Variants in SEMA3A observed in about 807,000 individuals in gnomAD.
SEMA3A encodes the protein semaphorin 3A.
In SEMA3A, 29 loss-of-function variants were observed where a neutral mutation model predicts 97.9. That is an observed-to-expected ratio of 0.30 (90% CI 0.22 to 0.40). SEMA3A has a LOEUF of 0.40. Among genes scored for constraint, SEMA3A ranks in the 10% least tolerant of loss-of-function variants. The probability of loss-of-function intolerance (pLI) is 1.00; values close to 1 mark genes in which losing one functional copy is unlikely to be tolerated. For missense variants in SEMA3A, 763 were observed against 951.3 expected (o/e 0.80, Z 2.60); for synonymous variants, 321 against 323.7 (o/e 0.99, Z 0.09).
At chr7:84,225,895 T>C (rs1027262610) in intron 3 of SEMA3A, among the ~76,000 whole-genome samples, 1 of 152,136 alleles carries the variant, frequency 6.6e-6, no homozygotes, top group African/African-American at 2.4e-5. Context: ...AATGGGCTAA[T>C]TTCAGAGAAG....
intron 1 of SEMA3A, among the ~76,000 whole-genome samples, chr7:84,423,777 A>G (rs1804666726): frequency 6.6e-6 from 1 of 152,044 alleles, no homozygotes; most frequent in Non-Finnish European, 1.5e-5. Flanking sequence ...TAACATCCAG[A>G]ATCTACAAGA....
chr7:84,254,911 C>T (rs1298374529), intron 3 of SEMA3A, among the ~76,000 whole-genome samples: 4 of 152,068 alleles, frequency 2.6e-5, no homozygotes, highest in Non-Finnish European at 5.9e-5. Context: ...GTATTATTTG[C>T]AATTGACTTC....
At chr7:84,381,284 G>C (rs1040640812) in intron 1 of SEMA3A, among the ~76,000 whole-genome samples, 1 of 152,102 alleles carries the variant, frequency 6.6e-6, no homozygotes, top group African/African-American at 2.4e-5. Context: ...ATTTGTAGCA[G>C]GTCAGTCATG....
upstream of SEMA3A, among the ~76,000 whole-genome samples, chr7:84,198,976 C>T (rs777640895): frequency 6.6e-6 from 1 of 152,132 alleles, no homozygotes; most frequent in Non-Finnish European, 1.5e-5. Context: ...TATTTTTTAT[C>T]TTTTCAGGTA....
chr7:84,359,922 G>A (rs1490369404), intron 2 of SEMA3A, among the ~76,000 whole-genome samples: 4 of 151,182 alleles, frequency 2.6e-5, no homozygotes. Context: ...TAGTTTATTT[G>A]CGTAGAGGTG....
intron 4 of SEMA3A, among the ~76,000 whole-genome samples, chr7:84,107,165 C>T (rs1795134522): frequency 6.6e-6 from 1 of 152,162 alleles, no homozygotes; most frequent in South Asian, 2.1e-4. Context: ...TTCTCACTCT[C>T]CCGATCTATT....
intron 3 of SEMA3A, among the ~76,000 whole-genome samples, chr7:84,230,498 T>C (rs1004607924): frequency 5.9e-5 from 9 of 151,988 alleles, no homozygotes; most frequent in African/African-American, 1.9e-4. Flanking sequence ...AGCACTCCTC[T>C]TTTATTGGTA....
intron 3 of SEMA3A, among the ~76,000 whole-genome samples, chr7:84,256,334 A>G (rs1232257942): frequency 3.9e-5 from 6 of 152,090 alleles, no homozygotes; most frequent in Non-Finnish European, 8.8e-5. Flanking sequence ...TAACTCATTT[A>G]TCTTTGAACA....
intron 1 of SEMA3A, among the ~76,000 whole-genome samples, chr7:84,169,053 T>C (rs975241489): frequency 6.6e-6 from 1 of 151,748 alleles, no homozygotes; most frequent in Non-Finnish European, 1.5e-5. Flanking sequence ...TTTTATTTTT[T>C]AACAATCTCA....
At chr7:83,963,464 A>G (rs1287028537) in intron 15 of SEMA3A, 117 bp from the exon 16 acceptor site, 1 of 1,094,688 alleles carries the variant, frequency 9.1e-7, no homozygotes, top group Non-Finnish European at 1.3e-6. Flanking sequence ...GTTGTTTCAC[A>G]TTGATTGAGG....
chr7:84,356,391 T>C (rs1413687310), intron 2 of SEMA3A, among the ~76,000 whole-genome samples: 2 of 151,522 alleles, frequency 1.3e-5, no homozygotes, highest in African/African-American at 4.8e-5. Context: ...ATTAACTCAT[T>C]CTAATTTCAA....
At chr7:84,262,069 A>G (rs1275972325) in intron 3 of SEMA3A, among the ~76,000 whole-genome samples, 1 of 150,310 alleles carries the variant, frequency 6.7e-6, no homozygotes, top group Non-Finnish European at 1.5e-5. Context: ...GTATGCTTAC[A>G]TTGAAGATTA....
upstream of SEMA3A, among the ~76,000 whole-genome samples, chr7:84,200,159 A>T (rs541459083): frequency 1.4e-5 from 2 of 144,248 alleles, no homozygotes; most frequent in Admixed American, 1.4e-4. Flanking sequence ...CAGTTGGGGG[A>T]AAAAAAAAAA....
intron 6 of SEMA3A, among the ~76,000 whole-genome samples, chr7:84,045,103 G>A (rs1474783049): frequency 6.6e-6 from 1 of 151,932 alleles, no homozygotes; most frequent in Non-Finnish European, 1.5e-5. Flanking sequence ...TGGTCTCCTG[G>A]AATTTCAATG....
chr7:84,088,064 C>T (rs1562771435), intron 4 of SEMA3A, among the ~76,000 whole-genome samples: 1 of 152,040 alleles, frequency 6.6e-6, no homozygotes, highest in East Asian at 1.9e-4. Flanking sequence ...TATTTTTCCC[C>T]CAAATATGTA....
At chr7:84,396,376 C>T (rs749242431) in intron 1 of SEMA3A, among the ~76,000 whole-genome samples, 3 of 151,308 alleles carry the variant, frequency 2.0e-5, no homozygotes, top group South Asian at 2.1e-4. Context: ...TAACTATAGT[C>T]GTATAGTAAT....
chr7:84,079,921 C>T (rs1466989232), intron 4 of SEMA3A, among the ~76,000 whole-genome samples: 1 of 147,620 alleles, frequency 6.8e-6, no homozygotes, highest in East Asian at 2.0e-4. Flanking sequence ...TATTGGGGCA[C>T]TATTCACAAT....
intron 3 of SEMA3A, among the ~76,000 whole-genome samples, chr7:84,203,658 AG>A (rs1466688177): frequency 6.0e-5 from 9 of 149,626 alleles, no homozygotes; most frequent in Non-Finnish European, 1.3e-4. Flanking sequence ...CAGCCTCCCA[AG>A]TAGCAGGGAT....
At position 84,110,548 on chromosome 7, in the gene SEMA3A, A is replaced by G. The variant is rs1394771595; in HGVS notation, c.375T>C (p.Asn125=). Residue 125 remains asparagine (N), a synonymous_variant, in exon 4 of 17, where the codon AAT becomes AAC. Transcript: ENST00000265362. ...ANFIKVLKAY[N]QTHLYACGTG... ...TTCCACAGGCGTACAAGTGAGTCTGATTATATGCCTTAAGTACCTTGATGA... is the reference window on the plus strand; with the variant it reads ...TTCCACAGGCGTACAAGTGAGTCTGGTTATATGCCTTAAGTACCTTGATGA... 2 of 1,613,988 alleles carry G rather than the reference A, an allele frequency of 1.2e-6. No homozygotes were observed. The highest frequency in any genetic ancestry group is 3.3e-5 in the Admixed American group (2 of 60,014).
Sources: allele counts gnomAD v4.1 joint callset (sites outside exome capture counted in the v4.1 genomes callset), GRCh38; gene constraint gnomAD v4.1.1; transcripts MANE v1.5; gene names NCBI Gene and HGNC (gene_info 2026-07-23, HGNC 2026-07-21).